The following C16orf74 variants were observed in gnomAD, a reference collection of about 807,000 sequenced individuals.
The protein encoded by C16orf74 is calcimembrin.
In C16orf74, 10 loss-of-function variants were observed where a neutral mutation model predicts 6.5. That is an observed-to-expected ratio of 1.54 (90% CI 0.95 to 2.61). The LOEUF is 2.61. C16orf74 is among the 30% of genes most tolerant of loss of function. C16orf74 has a pLI of 0.00. For synonymous variants in C16orf74, 60 were observed against 42.5 expected, an observed-to-expected ratio of 1.41 and a Z score of -1.60; for missense variants, 141 against 105.9, an observed-to-expected ratio of 1.33 and a Z score of -1.45.
At chr16:85,740,211 C>CAAAAAAAAAA (rs1314457386) in intron 1 of C16orf74, among the ~76,000 whole-genome samples, 4 of 60,236 alleles carry the variant, frequency 6.6e-5, no homozygotes, top group African/African-American at 1.3e-4. Context: ...GACTTTGTCT[C>CAAAAAAAAAA]AAAAAAAAAA....
intron 2 of C16orf74, among the ~76,000 whole-genome samples, chr16:85,711,882 C>A (rs411927): frequency 6.6e-6 from 1 of 152,158 alleles, no homozygotes; most frequent in Non-Finnish European, 1.5e-5. Context: ...TAAGTGACCA[C>A]TGTAGGGTCA....
At chr16:85,719,179 G>A (rs1050351144) in intron 2 of C16orf74, among the ~76,000 whole-genome samples, 1 of 152,220 alleles carries the variant, frequency 6.6e-6, no homozygotes, top group Non-Finnish European at 1.5e-5. Context: ...GGCCAGGGAG[G>A]TGGCCAGTCA....
At chr16:85,710,705 G>A in intron 2 of C16orf74, 1 of 171,954 alleles carries the variant, frequency 5.8e-6, no homozygotes, top group Non-Finnish European at 1.2e-5. Flanking sequence ...TAGGCTCCTG[G>A]GGCCCCTTCG....
chr16:85,736,534 G>C (rs981579579), intron 1 of C16orf74, among the ~76,000 whole-genome samples: 2 of 152,150 alleles, frequency 1.3e-5, no homozygotes, highest in Non-Finnish European at 2.9e-5. Context: ...ACATGGGTGG[G>C]AGATACCACC....
intron 2 of C16orf74, among the ~76,000 whole-genome samples, chr16:85,711,522 C>T (rs551552003): frequency 6.7e-6 from 1 of 149,458 alleles, no homozygotes; most frequent in African/African-American, 2.5e-5. Context: ...ACTCGGGAGG[C>T]TGAGGCAGGA....
intron 1 of C16orf74, among the ~76,000 whole-genome samples, chr16:85,749,991 G>C (rs1253552184): frequency 6.6e-6 from 1 of 152,196 alleles, no homozygotes; most frequent in Non-Finnish European, 1.5e-5. Flanking sequence ...AGGTGAGGGT[G>C]CTTTTTGGAG....
At chr16:85,731,410 G>C (rs555130373) in intron 2 of C16orf74, among the ~76,000 whole-genome samples, 1 of 152,244 alleles carries the variant, frequency 6.6e-6, no homozygotes, top group Non-Finnish European at 1.5e-5. Context: ...TTTGAACCCA[G>C]GGAGGCCTGG....
intron 1 of C16orf74, among the ~76,000 whole-genome samples, chr16:85,735,684 C>CT (rs66521638): frequency 0.31 from 45,369 of 147,836 alleles, 7,252 homozygotes; most frequent in Middle Eastern, 0.42. Flanking sequence ...CGTTCTAATG[C>CT]TTTTTTTTTT....
intron 2 of C16orf74, among the ~76,000 whole-genome samples, chr16:85,716,263 AAAGGAGGAGAGAACGGAGGG>A (rs1183411295): frequency 6.7e-6 from 1 of 149,310 alleles, no homozygotes; most frequent in Non-Finnish European, 1.5e-5. Context: ...GGAGAGGAGG[AAAGGAGGAGAGAACGGAGGG>A]AAGGAGGAGA....
At chr16:85,734,530 C>T (rs370599035) in intron 2 of C16orf74, among the ~76,000 whole-genome samples, 1 of 152,202 alleles carries the variant, frequency 6.6e-6, no homozygotes, top group East Asian at 1.9e-4. Context: ...CAGAGGCGGT[C>T]TCAGGCAGCG....
chr16:85,724,050 G>T (rs939322773), intron 2 of C16orf74, among the ~76,000 whole-genome samples: 5 of 151,924 alleles, frequency 3.3e-5, no homozygotes, highest in Admixed American at 6.6e-5. Context: ...CTGTTGCCCA[G>T]GCTGGAATGC....
intron 2 of C16orf74, among the ~76,000 whole-genome samples, chr16:85,713,609 G>T (rs950345815): frequency 7.0e-4 from 107 of 152,286 alleles, no homozygotes; most frequent in African/African-American, 2.4e-3. Context: ...CCGTCATATT[G>T]GACTAGGAGC....
At chr16:85,743,529 C>T (rs920951845) in intron 1 of C16orf74, 1 of 152,202 alleles carries the variant, frequency 6.6e-6, no homozygotes, top group African/African-American at 2.4e-5. Context: ...AAGCCAAGCC[C>T]ACATCACTGC....
chr16:85,732,043 G>A (rs2054194417), intron 2 of C16orf74, among the ~76,000 whole-genome samples: 1 of 152,340 alleles, frequency 6.6e-6, no homozygotes, highest in East Asian at 1.9e-4. Flanking sequence ...GGACTAGGGT[G>A]GGTGCTAAAG....
chr16:85,708,371 C>A (rs1290685316), intron 3 of C16orf74, among the ~76,000 whole-genome samples: 2 of 152,204 alleles, frequency 1.3e-5, no homozygotes, highest in East Asian at 3.9e-4. Context: ...GTGGTATGAT[C>A]CCATTTTATA....
chr16:85,712,948 T>C (rs933576827), intron 2 of C16orf74, among the ~76,000 whole-genome samples: 4 of 152,188 alleles, frequency 2.6e-5, no homozygotes, highest in Non-Finnish European at 4.4e-5. Context: ...GCCTGCAGCC[T>C]GAGCTCCAAA....
intron 2 of C16orf74, among the ~76,000 whole-genome samples, chr16:85,714,459 G>A (rs907333576): frequency 4.0e-5 from 6 of 150,962 alleles, no homozygotes; most frequent in East Asian, 2.0e-4. Flanking sequence ...TTGCTCTGTC[G>A]CCCAGGCTGG....
intron 2 of C16orf74, among the ~76,000 whole-genome samples, chr16:85,724,303 T>C (rs2054111350): frequency 6.6e-6 from 1 of 152,180 alleles, no homozygotes; most frequent in East Asian, 1.9e-4. Context: ...TTCCTCACCT[T>C]TGTCCATCCC....
rs2053931752 is a variant in C16orf74 at position 85,708,117 on chromosome 16, C to T, written c.173-51G>A. 2.7e-6 allele frequency: 4 copies of T among 1,461,022 alleles called. No homozygotes were observed. In the Admixed American group the frequency reaches 7.9e-5, roughly 29 times the overall value. 90.5% of individuals were successfully genotyped at this position (1,461,022 alleles called of 1,614,324 possible). ...TGGATGCACCCTGCCCCCACCACAC[C>T]AAGCCCCGTTTCCCTGGGAACTGCA... is the stretch of plus-strand genomic sequence containing the variant. On this transcript the variant is annotated intron_variant, in intron 3 of 3. Coordinates refer to ENST00000284245, the MANE Select transcript of C16orf74 (RefSeq NM_206967.3).
Sources: gnomAD v4.1 joint callset for allele counts (sites outside exome capture counted in the v4.1 genomes callset) on GRCh38, gnomAD v4.1.1 for gene constraint, MANE v1.5 for transcripts, NCBI Gene and HGNC (gene_info 2026-07-23, HGNC 2026-07-21) for gene names.